TENM3: variants seen among roughly 807,000 people sequenced by gnomAD.
TENM3 encodes teneurin transmembrane protein 3, also known as teneurin-3.
In TENM3, 63 loss-of-function variants were observed where a neutral mutation model predicts 255.1. The observed-to-expected ratio is 0.25, with a 90% CI of 0.20 to 0.30. TENM3 has a LOEUF of 0.30. Among genes scored for constraint, TENM3 ranks in the 10% least tolerant of loss-of-function variants. TENM3 has a pLI of 1.00. For synonymous variants in TENM3, 1,306 were observed against 1,322.3 expected (o/e 0.99, Z 0.27); for missense variants, 2,929 against 3,461.1 (o/e 0.85, Z 3.86).
Position 182,346,917 on chromosome 4 carries a change from G to C in TENM3, c.499G>C (p.Asp167His). 6.3e-7 allele frequency: 1 copy of C among 1,595,944 alleles called. No homozygotes were observed. Among genetic ancestry groups the C allele is most frequent in the East Asian group, 2.3e-5 (1 of 43,578 alleles). Reference protein sequence around the residue: ...LTDTEHENKSDSENEQPASNQ... With the variant: ...LTDTEHENKSHSENEQPASNQ... Reference sequence around the variant, plus strand: ...AGATACGGAGCACGAAAACAAGTCCGACAGTGAGAATGGTAAGTTTCCTTT... The same window carrying C: ...AGATACGGAGCACGAAAACAAGTCCCACAGTGAGAATGGTAAGTTTCCTTT... Residue 167 changes from aspartate (D) to histidine (H), a missense_variant, in exon 3 of 28, where the codon GAC becomes CAC. Physicochemically the swap from Asp to His is moderately conservative, Grantham distance 81. Coordinates refer to ENST00000511685, the MANE Select transcript of TENM3 (RefSeq NM_001080477.4).
chr4:182,606,523 C>CAAAAA (rs746315807), intron 4 of TENM3, among the ~76,000 whole-genome samples: 2 of 51,724 alleles, frequency 3.9e-5, no homozygotes, highest in Non-Finnish European at 3.5e-5. Flanking sequence ...GACTCTGTCT[C>CAAAAA]AAAAAAAAAA....
chr4:181,967,559 C>T, the TENM3 span, among the ~76,000 whole-genome samples: 4 of 152,162 alleles, frequency 2.6e-5, no homozygotes, highest in African/African-American at 9.7e-5. Flanking sequence ...CTTTCCCATG[C>T]TGGCTTTCCT....
the TENM3 span, among the ~76,000 whole-genome samples, chr4:181,502,859 C>T: frequency 1.3e-5 from 2 of 152,204 alleles, no homozygotes; most frequent in East Asian, 3.9e-4. Context: ...AATAAAGGGT[C>T]GCTGGGAGCA....
At chr4:182,351,795 C>T (rs1765197686) in intron 3 of TENM3, among the ~76,000 whole-genome samples, 1 of 152,122 alleles carries the variant, frequency 6.6e-6, no homozygotes, top group African/African-American at 2.4e-5. Flanking sequence ...GGGCAAGTTG[C>T]TCACCATTCC....
At chr4:182,640,386 T>C (rs1752197703) in intron 5 of TENM3, among the ~76,000 whole-genome samples, 1 of 152,188 alleles carries the variant, frequency 6.6e-6, no homozygotes. Flanking sequence ...AGATCCTTAA[T>C]CTTTTTGTTA....
At chr4:182,345,354 C>T (rs1764734587) in intron 2 of TENM3, among the ~76,000 whole-genome samples, 1 of 152,186 alleles carries the variant, frequency 6.6e-6, no homozygotes, top group African/African-American at 2.4e-5. Flanking sequence ...ATAATACCCT[C>T]TTTCAAAAAA....
At chr4:182,695,993 A>T (rs1039831753) in intron 12 of TENM3, among the ~76,000 whole-genome samples, 1 of 152,208 alleles carries the variant, frequency 6.6e-6, no homozygotes, top group Non-Finnish European at 1.5e-5. Flanking sequence ...ATCCCAGTGT[A>T]TCACTGAATC....
the TENM3 span, among the ~76,000 whole-genome samples, chr4:181,495,282 G>A: frequency 6.6e-6 from 1 of 152,170 alleles, no homozygotes; most frequent in Admixed American, 6.5e-5. Flanking sequence ...ATAGGAGTTA[G>A]CGAAGGAGTT....
At chr4:182,514,087 T>C (rs1038987572) in intron 3 of TENM3, among the ~76,000 whole-genome samples, 1 of 152,216 alleles carries the variant, frequency 6.6e-6, no homozygotes, top group Non-Finnish European at 1.5e-5. Flanking sequence ...GCATGCCCCC[T>C]CCTCTTGGGA....
chr4:181,557,008 G>A, the TENM3 span, among the ~76,000 whole-genome samples: 1 of 152,126 alleles, frequency 6.6e-6, no homozygotes, highest in Non-Finnish European at 1.5e-5. Flanking sequence ...GGTTAAGTCA[G>A]AAATGTATCT....
chr4:182,408,953 G>A (rs924573986), intron 3 of TENM3, among the ~76,000 whole-genome samples: 1 of 152,206 alleles, frequency 6.6e-6, no homozygotes, highest in African/African-American at 2.4e-5. Context: ...ACAAAGCAGC[G>A]AAGAGGCAGA....
chr4:181,583,883 A>C, the TENM3 span, among the ~76,000 whole-genome samples: 1 of 152,214 alleles, frequency 6.6e-6, no homozygotes, highest in African/African-American at 2.4e-5. Flanking sequence ...TCAACTCAAA[A>C]TCCATTTCCT....
chr4:182,135,237 A>G, the TENM3 span, among the ~76,000 whole-genome samples: 11 of 150,840 alleles, frequency 7.3e-5, no homozygotes, highest in Non-Finnish European at 1.6e-4. Flanking sequence ...AAAAAATTCC[A>G]AAAATGATCC....
At chr4:182,185,176 T>C (rs1386655198) in intron 1 of TENM3, among the ~76,000 whole-genome samples, 1 of 152,140 alleles carries the variant, frequency 6.6e-6, no homozygotes, top group Non-Finnish European at 1.5e-5. Context: ...CTTCCATCAG[T>C]CTTAAAATCA....
rs561320172 is a variant in TENM3 at position 182,416,425 on chromosome 4, TA to T, written c.511+69507del. 4.5e-3 allele frequency among the ~76,000 whole-genome samples: 665 copies of T among 146,366 alleles called. 12 individuals are homozygous for T. In the South Asian group the frequency reaches 0.049, roughly 11 times the overall value. ...TGTTTTTCCTCTCATATTGCTTTCT[TA>T]AAAAAAAAAAGAAACCTTTAATAGA... On this transcript the variant is annotated intron_variant, in intron 3 of 27. Coordinates refer to ENST00000511685, the MANE Select transcript of TENM3 (RefSeq NM_001080477.4).
chr4:182,097,036 G>T, the TENM3 span, among the ~76,000 whole-genome samples: 1 of 152,120 alleles, frequency 6.6e-6, no homozygotes, highest in African/African-American at 2.4e-5. Flanking sequence ...CAAAGTGAGG[G>T]TTATAGTTAC....
At chr4:182,035,067 G>A in the TENM3 span, among the ~76,000 whole-genome samples, 1 of 152,094 alleles carries the variant, frequency 6.6e-6, no homozygotes, top group East Asian at 1.9e-4. Context: ...GTTCTTGGGG[G>A]TTTTGTTCGT....
the TENM3 span, among the ~76,000 whole-genome samples, chr4:181,910,738 A>G: frequency 5.5e-4 from 84 of 151,398 alleles, no homozygotes; most frequent in African/African-American, 1.9e-3. Flanking sequence ...CAGCCCCCCA[A>G]AGTGCTGAGA....
At chr4:181,820,247 C>A in the TENM3 span, 1 of 152,170 alleles carries the variant, frequency 6.6e-6, no homozygotes, top group African/African-American at 2.4e-5. Context: ...AAAGTCTCCT[C>A]CGCTGTTCAA....
Sources: allele counts gnomAD v4.1 joint callset (sites outside exome capture counted in the v4.1 genomes callset), GRCh38; gene constraint gnomAD v4.1.1; transcripts MANE v1.5; gene names NCBI Gene and HGNC (gene_info 2026-07-23, HGNC 2026-07-21).